The following SLC15A2 variants were observed in gnomAD, a reference collection of about 807,000 sequenced individuals.
SLC15A2 encodes kidney H(+)/peptide cotransporter.
A neutral mutation model predicts 95.5 loss-of-function variants in SLC15A2; 77 were observed. The observed-to-expected ratio is 0.81, with a 90% CI of 0.67 to 0.97. SLC15A2 has a LOEUF of 0.97. SLC15A2 is among the 50% of genes least tolerant of loss of function. SLC15A2 has a pLI of 0.00. For missense variants in SLC15A2, 893 were observed against 874.4 expected (o/e 1.02, Z -0.27); for synonymous variants, 306 against 306.9 (o/e 1.00, Z 0.03).
chr3:121,911,830 A>G (rs549056117), intron 4 of SLC15A2, among the ~76,000 whole-genome samples, 164 bp downstream of exon 4: 2 of 152,184 alleles, frequency 1.3e-5, no homozygotes, highest in African/African-American at 2.4e-5. Flanking sequence ...TTCCTACTTT[A>G]TCTGAGCTCA....
At chr3:121,927,241 C>T (rs1376262008) in intron 13 of SLC15A2, among the ~76,000 whole-genome samples, 2 of 152,172 alleles carry the variant, frequency 1.3e-5, no homozygotes, top group South Asian at 2.1e-4. Flanking sequence ...TTTTGGGGGG[C>T]TAGAGATGGA....
intron 4 of SLC15A2, among the ~76,000 whole-genome samples, 188 bp downstream of exon 4, chr3:121,911,854 C>T (rs1709774044): frequency 6.6e-6 from 1 of 152,088 alleles, no homozygotes; most frequent in African/African-American, 2.4e-5. Flanking sequence ...GTTTTTGGGA[C>T]TTGTAGAATG....
intron 5 of SLC15A2, 64 bp from the exon 6 acceptor site, chr3:121,915,163 G>T: frequency 7.5e-7 from 1 of 1,328,126 alleles, no homozygotes; most frequent in South Asian, 1.2e-5. Context: ...CTCTGAATCT[G>T]AACGTGGAGT....
At chr3:121,933,608 T>G (rs1271412889) in intron 19 of SLC15A2, among the ~76,000 whole-genome samples, 6 of 148,928 alleles carry the variant, frequency 4.0e-5, no homozygotes, top group Non-Finnish European at 9.0e-5. Context: ...TTGATGGGGT[T>G]GTTTGTTTTT....
chr3:121,910,588 C>T (rs1449087194), intron 3 of SLC15A2, among the ~76,000 whole-genome samples: 3 of 152,192 alleles, frequency 2.0e-5, no homozygotes, highest in Admixed American at 6.5e-5. Context: ...GAGAAATCCA[C>T]ATCCTGAGAG....
intron 7 of SLC15A2, among the ~76,000 whole-genome samples, chr3:121,916,767 G>C (rs1709901917): frequency 1.3e-5 from 2 of 151,948 alleles, no homozygotes; most frequent in South Asian, 4.2e-4. Context: ...CAGTTTTCTG[G>C]GTGCTAATCA....
chr3:121,908,295 C>T (rs1460569494), intron 3 of SLC15A2, among the ~76,000 whole-genome samples: 1 of 152,214 alleles, frequency 6.6e-6, no homozygotes, highest in African/African-American at 2.4e-5. Context: ...GTCACGGCTT[C>T]CCTTGGCTAG....
rs1710502790 is a variant in SLC15A2, at chr3:121,943,844, A to G, written c.*2837A>G. The G allele has an allele frequency of 6.6e-6, 1 of 152,262 alleles. No individual in the cohort carries two copies. Among genetic ancestry groups the G allele is most frequent in the South Asian group, 2.1e-4 (1 of 4,836 alleles). 9.4% of individuals were successfully genotyped at this position (152,262 alleles called of 1,614,324 possible). A position where few individuals can be genotyped will look rare whatever the true frequency, so the allele number is the denominator to read the frequency against. On this transcript the variant is annotated 3_prime_UTR_variant, in exon 22 of 22. Transcript: ENST00000489711. ...CTCCTAGGCTACAAACCTGCACAGC[A>G]TGTTACTGTATTAAATGCTGTAGGC... is the stretch of plus-strand genomic sequence containing the variant.
chr3:121,919,346 G>T (rs547005343), intron 7 of SLC15A2, among the ~76,000 whole-genome samples: 1 of 152,282 alleles, frequency 6.6e-6, no homozygotes, highest in African/African-American at 2.4e-5. Context: ...GAGGAATGGG[G>T]TGTGTGGACA....
intron 7 of SLC15A2, among the ~76,000 whole-genome samples, chr3:121,918,358 A>T (rs1434321429): frequency 6.6e-6 from 1 of 152,212 alleles, no homozygotes; most frequent in Non-Finnish European, 1.5e-5. Flanking sequence ...GTTTGGGGCA[A>T]TGTTGATAAA....
chr3:121,897,596 C>A, intron 3 of SLC15A2, 67 bp downstream of exon 3: 1 of 1,536,240 alleles, frequency 6.5e-7, no homozygotes, highest in Non-Finnish European at 8.9e-7. Context: ...TCACTTCTAG[C>A]CTCTTGCTTC....
At chr3:121,914,325 G>A (rs1006403749) in intron 5 of SLC15A2, among the ~76,000 whole-genome samples, 14 of 152,172 alleles carry the variant, frequency 9.2e-5, no homozygotes, top group South Asian at 2.1e-4. Flanking sequence ...GAAGCATGTC[G>A]GTGTATAATG....
At chr3:121,908,371 G>A (rs1044296910) in intron 3 of SLC15A2, among the ~76,000 whole-genome samples, 11 of 152,144 alleles carry the variant, frequency 7.2e-5, no homozygotes, top group Non-Finnish European at 1.6e-4. Context: ...GCTTCAGCTC[G>A]CCCTCTGTGG....
intron 7 of SLC15A2, among the ~76,000 whole-genome samples, chr3:121,918,641 G>T (rs2107591322): frequency 6.6e-6 from 1 of 152,262 alleles, no homozygotes; most frequent in South Asian, 2.1e-4. Context: ...AAGAGGAAAA[G>T]CCCACAAATG....
At chr3:121,918,598 C>A (rs1037155916) in intron 7 of SLC15A2, among the ~76,000 whole-genome samples, 1 of 151,632 alleles carries the variant, frequency 6.6e-6, no homozygotes, top group Admixed American at 6.6e-5. Flanking sequence ...TAGGTTCAAA[C>A]TTCAAGAAAC....
intron 3 of SLC15A2, among the ~76,000 whole-genome samples, chr3:121,899,775 T>C (rs1576667869): frequency 6.6e-6 from 1 of 152,186 alleles, no homozygotes. Context: ...ATAGCTTTAA[T>C]ACAGATCATA....
intron 7 of SLC15A2, 52 bp downstream of exon 7, chr3:121,915,745 T>A: frequency 7.7e-7 from 1 of 1,290,924 alleles, no homozygotes; most frequent in Non-Finnish European, 1.1e-6. Flanking sequence ...CTGACACATG[T>A]AAAGCATCAT....
At chr3:121,922,343 G>T in intron 8 of SLC15A2, 41 bp downstream of exon 8, 1 of 1,516,220 alleles carries the variant, frequency 6.6e-7, no homozygotes, top group Non-Finnish European at 9.1e-7. Flanking sequence ...TCAATCAAAA[G>T]AAAGAGATGC....
chr3:121,934,200 G>A (rs1327874321), intron 19 of SLC15A2, among the ~76,000 whole-genome samples: 4 of 152,184 alleles, frequency 2.6e-5, no homozygotes, highest in African/African-American at 9.6e-5. Flanking sequence ...GTAGTGTGAT[G>A]CCTCCAGCTT....
Sources: allele counts gnomAD v4.1 joint callset (sites outside exome capture counted in the v4.1 genomes callset), GRCh38; gene constraint gnomAD v4.1.1; transcripts MANE v1.5; gene names NCBI Gene and HGNC (gene_info 2026-07-23, HGNC 2026-07-21).